Variants in MGAM observed in about 807,000 individuals in gnomAD.
The protein encoded by MGAM is alpha-1,4-glucosidase.
In MGAM, 253 loss-of-function variants were observed where a neutral mutation model predicts 358.8. The observed-to-expected ratio is 0.71, with a 90% confidence interval of 0.64 to 0.78. MGAM has a LOEUF of 0.78. MGAM is among the 30% of genes least tolerant of loss of function. The probability of loss-of-function intolerance (pLI) is 0.00; values close to 1 mark genes in which losing one functional copy is unlikely to be tolerated. For synonymous variants in MGAM, 1,105 were observed against 1,227.1 expected (o/e 0.90, Z 2.08); for missense variants, 3,080 against 3,432.6 (o/e 0.90, Z 2.57).
At chr7:142,035,836 A>G (rs1410028042) in intron 16 of MGAM, among the ~76,000 whole-genome samples, 3 of 152,186 alleles carry the variant, frequency 2.0e-5, no homozygotes, top group Admixed American at 6.6e-5. Context: ...GGTCAAAATA[A>G]TAATATCAGC....
intron 57 of MGAM, among the ~76,000 whole-genome samples, chr7:142,090,184 G>T (rs1815231664): frequency 6.8e-6 from 1 of 146,104 alleles, no homozygotes; most frequent in Non-Finnish European, 1.5e-5. Flanking sequence ...GTAAGGTAGA[G>T]CCAGCACGTT....
intron 12 of MGAM, 100 bp downstream of exon 12, chr7:142,030,857 T>G: frequency 2.6e-6 from 2 of 769,464 alleles, no homozygotes; most frequent in South Asian, 3.2e-5. Flanking sequence ...ATTGTTTTAT[T>G]GTACATTTTC....
chr7:142,014,471 C>T lies in MGAM; in HGVS notation c.328-4728C>T, dbSNP rs551786306. Reference sequence around the variant, plus strand: ...AATGGTTTTGATTTTTTCTATATAGCGTTAACTTCTTTGAAATAATTATTC... The same window carrying T: ...AATGGTTTTGATTTTTTCTATATAGTGTTAACTTCTTTGAAATAATTATTC... On this transcript the variant is annotated intron_variant, in intron 3 of 70. Transcript: ENST00000475668. 3.9e-5 allele frequency among the ~76,000 whole-genome samples: 6 copies of T among 151,936 alleles called. No homozygotes were observed. In the South Asian group the frequency reaches 6.2e-4, roughly 16 times the overall value.
At chr7:142,060,743 C>G (rs918299690) in intron 34 of MGAM, among the ~76,000 whole-genome samples, 9 of 152,238 alleles carry the variant, frequency 5.9e-5, no homozygotes, top group African/African-American at 2.2e-4. Flanking sequence ...GGCATACTTA[C>G]TGTTGTTGCC....
intron 28 of MGAM, 25 bp downstream of exon 28, chr7:142,055,751 G>T: frequency 6.2e-7 from 1 of 1,612,272 alleles, no homozygotes; most frequent in Non-Finnish European, 8.5e-7. Context: ...TTTGGGATCT[G>T]TGTCTCTGCT....
In MGAM at chr7:142,094,788, T is replaced by C. The variant is rs7785793; in HGVS notation, c.7383T>C (p.Tyr2461=). Reference sequence around the variant, plus strand: ...GTGGGTTCTTTCAAGATGCTGAATATGAGATGTGTGTTCGCTGGATGCAGC... The same window carrying C: ...GTGGGTTCTTTCAAGATGCTGAATACGAGATGTGTGTTCGCTGGATGCAGC... ...DICGFFQDAE[Y]EMCVRWMQLG... The change falls in exon 63 of 71, where the codon TAT becomes TAC. Residue 2461 remains tyrosine, a synonymous_variant. Coordinates refer to ENST00000475668, the MANE Select transcript of MGAM (RefSeq NM_001365693.1). 3,956 of 1,610,946 alleles carry C rather than the reference T, an allele frequency of 2.5e-3. 109 individuals carry two copies. The African/African-American group carries it at 0.046, about 19-fold the overall frequency.
At chr7:142,059,410 T>C (rs1210157907) in intron 31 of MGAM, 62 bp from the exon 32 acceptor site, 1 of 1,571,326 alleles carries the variant, frequency 6.4e-7, no homozygotes, top group Non-Finnish European at 8.7e-7. Flanking sequence ...TGGAGGGTTG[T>C]TCTCCTATAA....
chr7:142,094,128 T>G lies in MGAM; in HGVS notation c.7173-236T>G, dbSNP rs1032769922. ...AGATTTAGTAATTCCTTACTATTTT[T>G]GGGGCACTCCAGTGAGTTTGCTACA... is the stretch of plus-strand genomic sequence containing the variant. On this transcript the variant is annotated intron_variant, in intron 60 of 70. Coordinates refer to ENST00000475668, the MANE Select transcript of MGAM (RefSeq NM_001365693.1). Among the ~76,000 whole-genome samples the G allele has an allele frequency of 4.8e-5, 7 of 146,266 alleles. 2 individuals carry two copies. Among genetic ancestry groups the G allele is most frequent in the East Asian group, 2.0e-4 (1 of 4,980 alleles).
In MGAM at chr7:142,093,066, A is replaced by C. The variant is rs1353488327; in HGVS notation, c.7034-346A>C. Among the ~76,000 whole-genome samples, 3 of 146,626 alleles carry C rather than the reference A, an allele frequency of 2.0e-5. 1 individual carries two copies. The highest frequency in any genetic ancestry group is 4.6e-5 in the Non-Finnish European group (3 of 64,818). ...TTCACAGATTATGCGATATGTCCAA[A>C]TCTCAGTCTGCTAAACTGTAAAAGA... is the stretch of plus-strand genomic sequence containing the variant. On this transcript the variant is annotated intron_variant, in intron 59 of 70. Transcript: ENST00000475668.
intron 22 of MGAM, among the ~76,000 whole-genome samples, chr7:142,048,107 A>G (rs1004432671): frequency 2.0e-5 from 3 of 150,544 alleles, no homozygotes; most frequent in Admixed American, 1.3e-4. Context: ...TGATATCTAT[A>G]ATAGGCTTTT....
intron 28 of MGAM, 63 bp from the exon 29 acceptor site, chr7:142,055,937 T>C (rs1811479320): frequency 1.3e-6 from 2 of 1,520,686 alleles, no homozygotes; most frequent in East Asian, 4.7e-5. Context: ...ACATTTTTGT[T>C]GAGTTTCTTT....
At chr7:142,047,053 A>G (rs1810470550) in intron 21 of MGAM, among the ~76,000 whole-genome samples, 1 of 152,174 alleles carries the variant, frequency 6.6e-6, no homozygotes. Context: ...GAACTGTGAA[A>G]GAATACAATG....
chr7:142,029,828 G>A (rs6956284), intron 10 of MGAM, among the ~76,000 whole-genome samples: 85,930 of 151,944 alleles, frequency 0.57, 24,776 homozygotes, highest in East Asian at 0.79. Context: ...TTCCATTGGA[G>A]ACAAACCTAG....
chr7:141,992,738 C>A (rs1337823331), upstream of MGAM, among the ~76,000 whole-genome samples: 1 of 152,088 alleles, frequency 6.6e-6, no homozygotes, highest in Non-Finnish European at 1.5e-5. Context: ...TGGACCACCA[C>A]ACTCAGCTGA....
At chr7:141,998,765 C>T (rs1371930545) in intron 1 of MGAM, among the ~76,000 whole-genome samples, 3 of 152,134 alleles carry the variant, frequency 2.0e-5, no homozygotes, top group African/African-American at 2.4e-5. Context: ...CCTTCGGGTA[C>T]ATACCCTGTA....
rs762965515 is a variant in MGAM at position 142,050,413 on chromosome 7, T to C, written c.2637+129T>C. On this transcript the variant is annotated intron_variant, in intron 23 of 70. Coordinates refer to ENST00000475668, the MANE Select transcript of MGAM (RefSeq NM_001365693.1). ...ATATGCATTATTGGCTATAGGTGAG[T>C]ACATTTCTATTTATGATTTCATCGA... 133 of 1,147,706 alleles carry C rather than the reference T, an allele frequency of 1.2e-4. 2 individuals are homozygous for C. Among genetic ancestry groups the C allele is most frequent in the South Asian group, 3.9e-4 (32 of 81,114 alleles). The allele number at this position is 1,147,706 out of a possible 1,614,324, so 71.1% of individuals were successfully genotyped here.
At chr7:142,105,727 T>G in intron 70 of MGAM, 87 bp from the exon 71 acceptor site, 2 of 988,928 alleles carry the variant, frequency 2.0e-6, no homozygotes, top group Non-Finnish European at 3.2e-6. Context: ...TAGGGGGTTA[T>G]TTGGACTGGA....
chr7:142,038,285 C>T (rs1299236375), intron 18 of MGAM, among the ~76,000 whole-genome samples: 3 of 152,078 alleles, frequency 2.0e-5, no homozygotes, highest in African/African-American at 4.8e-5. Flanking sequence ...CAGCCTGGGA[C>T]CTGCCTAGCA....
intron 44 of MGAM, among the ~76,000 whole-genome samples, chr7:142,073,532 C>T (rs1813512056): frequency 6.8e-6 from 1 of 146,424 alleles, no homozygotes; most frequent in Middle Eastern, 3.5e-3. Context: ...GTTGTGTTTC[C>T]TATTCTAAAT....
Sources: allele counts gnomAD v4.1 joint callset (sites outside exome capture counted in the v4.1 genomes callset), GRCh38; gene constraint gnomAD v4.1.1; transcripts MANE v1.5; gene names NCBI Gene and HGNC (gene_info 2026-07-23, HGNC 2026-07-21).